Variants in LTBP1 observed in about 807,000 individuals in gnomAD.
The protein encoded by LTBP1 is latent-transforming growth factor beta-binding protein 1.
In LTBP1, 129 loss-of-function variants were observed where a neutral mutation model predicts 207.6. The ratio of observed to expected loss-of-function variants is 0.62; its 90% CI spans 0.54 to 0.72. The LOEUF is 0.72. Among genes scored for constraint, LTBP1 ranks in the 30% least tolerant of loss-of-function variants. The probability of loss-of-function intolerance (pLI) is 0.00; values close to 1 mark genes in which losing one functional copy is unlikely to be tolerated. For missense variants in LTBP1, 2,281 were observed against 2,217.2 expected, an observed-to-expected ratio of 1.03 and a Z score of -0.58; for synonymous variants, 963 against 833.7, an observed-to-expected ratio of 1.16 and a Z score of -2.67.
intron 5 of LTBP1, among the ~76,000 whole-genome samples, chr2:33,180,006 C>T (rs903715653): frequency 5.3e-5 from 8 of 152,148 alleles, no homozygotes; most frequent in Non-Finnish European, 1.2e-4. Flanking sequence ...AGTTTTGGAG[C>T]CTTTCTAAAA....
At chr2:32,998,575 C>CA (rs1341833162) in intron 2 of LTBP1, among the ~76,000 whole-genome samples, 1 of 111,656 alleles carries the variant, frequency 9.0e-6, no homozygotes, top group Non-Finnish European at 1.8e-5. Flanking sequence ...GTTTGTGTTG[C>CA]AAAAAACATA....
At chr2:33,250,403 G>A (rs2092649914) in intron 10 of LTBP1, among the ~76,000 whole-genome samples, 1 of 152,188 alleles carries the variant, frequency 6.6e-6, no homozygotes, top group Non-Finnish European at 1.5e-5. Flanking sequence ...AAAATATCAA[G>A]TAGATAATCA....
intron 18 of LTBP1, among the ~76,000 whole-genome samples, chr2:33,276,532 C>G (rs764619621): frequency 9.9e-5 from 15 of 152,152 alleles, no homozygotes; most frequent in Non-Finnish European, 2.1e-4. Context: ...CGTTTGTGTC[C>G]AAGTTGCTCT....
chr2:33,124,409 CAA>C (rs150446006), intron 4 of LTBP1, among the ~76,000 whole-genome samples: 2 of 141,914 alleles, frequency 1.4e-5, no homozygotes, highest in South Asian at 2.2e-4. Context: ...GACTCCGTCT[CAA>C]AAAAAAAAAA....
chr2:33,300,442 T>C lies in LTBP1; in HGVS notation c.3236-9T>C, dbSNP rs755831179. The C allele has an allele frequency of 5.6e-6, 9 of 1,611,838 alleles. No homozygotes were observed. The East Asian group carries it at 6.7e-5, about 12-fold the overall frequency. On this transcript the variant is annotated splice_polypyrimidine_tract_variant and intron_variant, in intron 20 of 33. Coordinates refer to ENST00000404816, the MANE Select transcript of LTBP1 (RefSeq NM_206943.4). The stretch of plus-strand genomic sequence containing the variant: ...TTTTTCAGAAAAATTGCCGTTGTTG[T>C]GTTTGCAGATATTGATGAATGTCAG...
chr2:33,004,191 CT>C (rs1219768960), intron 2 of LTBP1, among the ~76,000 whole-genome samples: 1 of 151,824 alleles, frequency 6.6e-6, no homozygotes, highest in Non-Finnish European at 1.5e-5. Context: ...TCCAACTTCA[CT>C]GGGCTGTTTG....
Position 32,999,578 on chromosome 2 carries a change from C to A in LTBP1, c.566-21331C>A, listed in dbSNP as rs1464779401. 1.5e-5 allele frequency among the ~76,000 whole-genome samples: 2 copies of A among 134,344 alleles called. 1 individual carries two copies. The highest frequency in any genetic ancestry group is 5.2e-5 in the African/African-American group (2 of 38,532). The allele number at this position is 134,344 out of a possible 152,430, so 88.1% of individuals were successfully genotyped here. ...CACCCAGGCTCCAGGAGGGAAGGCT[C>A]AAGTCTCCCTGCCTCAAAAAGATCC... On this transcript the variant is annotated intron_variant, in intron 2 of 33. Transcript: ENST00000404816.
At chr2:33,196,121 C>T (rs995442172) in intron 7 of LTBP1, among the ~76,000 whole-genome samples, 8 of 152,144 alleles carry the variant, frequency 5.3e-5, no homozygotes, top group Non-Finnish European at 1.2e-4. Flanking sequence ...ATGTGAGTCG[C>T]TTTATTGTGA....
chr2:33,280,428 G>A lies in LTBP1; in HGVS notation c.3112+270G>A, dbSNP rs116738148. 3.3e-3 allele frequency among the ~76,000 whole-genome samples: 508 copies of A among 152,202 alleles called. 4 individuals are homozygous for A. Among genetic ancestry groups the A allele is most frequent in the African/African-American group, 0.012 (487 of 41,530 alleles). ...TAAATATCCAAAACCAAATAAGATAGTAAGGTCTACAGGAAGGAAGAGAGA... is the reference window on the plus strand; with the variant it reads ...TAAATATCCAAAACCAAATAAGATAATAAGGTCTACAGGAAGGAAGAGAGA... On this transcript the variant is annotated intron_variant, in intron 19 of 33. Coordinates refer to ENST00000404816, the MANE Select transcript of LTBP1 (RefSeq NM_206943.4).
chr2:33,137,505 C>G (rs970321310), intron 5 of LTBP1, among the ~76,000 whole-genome samples: 1 of 152,188 alleles, frequency 6.6e-6, no homozygotes, highest in Non-Finnish European at 1.5e-5. Flanking sequence ...CGTGTGAAAG[C>G]AGCCAGAGAC....
rs772561364 is a variant in LTBP1, at chr2:33,222,134, A to G, written c.1859A>G (p.Asn620Ser). ...TGCCTACCGGGTTATAAGCGGGTTA[A>G]CAACACCTTTTGCCAAGGTAAGACT... ...MECLPGYKRV[N>S]NTFCQDINEC... The change falls in exon 9 of 34, where the codon AAC (asparagine) becomes AGC (serine). Residue 620 changes from asparagine to serine, a missense_variant. By Grantham distance (46) the Asn-to-Ser change is conservative. This residue lies in a region of LTBP1 where 1,671 missense variants were observed against 1,634.8 expected (regional missense o/e 1.02). Transcript: ENST00000404816. The G allele has an allele frequency of 6.2e-7, 1 of 1,612,436 alleles. No individual in the cohort carries two copies. Among genetic ancestry groups the G allele is most frequent in the Non-Finnish European group, 8.5e-7 (1 of 1,178,424 alleles).
chr2:33,129,717 G>A (rs1009830789), intron 4 of LTBP1, among the ~76,000 whole-genome samples: 1 of 152,144 alleles, frequency 6.6e-6, no homozygotes, highest in African/African-American at 2.4e-5. Flanking sequence ...TTGTAAAGAT[G>A]GCAAGGTTTC....
intron 19 of LTBP1, among the ~76,000 whole-genome samples, chr2:33,286,691 CAAT>C (rs1230757960): frequency 1.3e-5 from 2 of 152,132 alleles, no homozygotes; most frequent in Non-Finnish European, 2.9e-5. Flanking sequence ...AAATGTCCAA[CAAT>C]GATAGACTGG....
intron 2 of LTBP1, among the ~76,000 whole-genome samples, chr2:32,994,687 G>A (rs758860130): frequency 1.3e-5 from 2 of 151,938 alleles, no homozygotes; most frequent in South Asian, 2.1e-4. Context: ...GGCTGTTCTC[G>A]AACTCCTGAC....
chr2:33,336,818 A>ACTGAAGAATATAT (rs1252655000), intron 24 of LTBP1, among the ~76,000 whole-genome samples: 1 of 152,156 alleles, frequency 6.6e-6, no homozygotes, highest in African/African-American at 2.4e-5. Flanking sequence ...AAAACCAAAA[A>ACTGAAGAATATAT]CTGAAGAATA....
intron 19 of LTBP1, among the ~76,000 whole-genome samples, chr2:33,284,336 T>C (rs1218684050): frequency 6.6e-6 from 1 of 152,224 alleles, no homozygotes; most frequent in East Asian, 1.9e-4. Flanking sequence ...ACTTCAAATA[T>C]CTATCATTTC....
intron 2 of LTBP1, among the ~76,000 whole-genome samples, chr2:32,992,996 G>A (rs546322981): frequency 1.3e-5 from 2 of 152,272 alleles, no homozygotes; most frequent in South Asian, 2.1e-4. Flanking sequence ...TGTTGGGGAA[G>A]GAGGGTTAGG....
chr2:33,273,733 A>G lies in LTBP1; in HGVS notation c.2695A>G (p.Ile899Val). ...TAACCTACCAGTGAGATATACCTGT[A>G]TATGCTACGAGGGCTACAGGTTCAG... ...CINLPVRYTC[I>V]CYEGYRFSEQ... The change falls in exon 16 of 34, where the codon ATA becomes GTA. Residue 899 changes from isoleucine to valine, a missense_variant. Coordinates refer to ENST00000404816, the MANE Select transcript of LTBP1 (RefSeq NM_206943.4). The G allele has an allele frequency of 6.2e-7, 1 of 1,612,146 alleles. No homozygotes were observed. The highest frequency in any genetic ancestry group is 1.3e-5 in the African/African-American group (1 of 74,974).
chr2:33,320,774 A>G (rs58538361), intron 24 of LTBP1, among the ~76,000 whole-genome samples: 1,987 of 152,286 alleles, frequency 0.013, 34 homozygotes, highest in African/African-American at 0.038. Context: ...GATGATAATG[A>G]TGTAAGAGTT....
Sources: gnomAD v4.1 joint callset for allele counts (sites outside exome capture counted in the v4.1 genomes callset) on GRCh38, gnomAD v4.1.1 for gene constraint, gnomAD v4.1.1 regional missense constraint, MANE v1.5 for transcripts, NCBI Gene and HGNC (gene_info 2026-07-23, HGNC 2026-07-21) for gene names.